The following BMPER variants were observed in gnomAD, a reference collection of about 807,000 sequenced individuals.
BMPER encodes BMP-binding endothelial regulator protein.
Under a neutral mutation model 87.3 loss-of-function variants are expected in BMPER, and 45 were observed. The observed-to-expected ratio is 0.52, with a 90% CI of 0.41 to 0.66. BMPER has a LOEUF of 0.66. Among genes scored for constraint, BMPER ranks in the 30% least tolerant of loss-of-function variants. BMPER has a pLI of 0.00. For synonymous variants in BMPER, 326 were observed against 316.2 expected, an observed-to-expected ratio of 1.03 and a Z score of -0.33; for missense variants, 784 against 867.5, an observed-to-expected ratio of 0.90 and a Z score of 1.21.
intron 13 of BMPER, among the ~76,000 whole-genome samples, chr7:34,092,665 T>A (rs1789419069): frequency 6.6e-6 from 1 of 152,194 alleles, no homozygotes; most frequent in Non-Finnish European, 1.5e-5. Context: ...GTAGGCTTTT[T>A]CCTGTTTGAT....
chr7:33,929,610 G>A (rs546279337), intron 2 of BMPER, among the ~76,000 whole-genome samples: 3 of 152,304 alleles, frequency 2.0e-5, no homozygotes, highest in Non-Finnish European at 2.9e-5. Context: ...TCTAAATGAA[G>A]CTATATAGCA....
chr7:33,909,719 G>A (rs937995044), intron 2 of BMPER, among the ~76,000 whole-genome samples: 12 of 148,828 alleles, frequency 8.1e-5, no homozygotes, highest in African/African-American at 3.0e-4. Flanking sequence ...TAACGTCAAC[G>A]TATGCTTAAA....
At chr7:33,943,637 A>G (rs1203756181) in intron 3 of BMPER, among the ~76,000 whole-genome samples, 2 of 152,198 alleles carry the variant, frequency 1.3e-5, no homozygotes, top group Non-Finnish European at 2.9e-5. Flanking sequence ...GGCTCCAAAA[A>G]AGACAAGGCT....
At chr7:34,141,895 G>T (rs1333491635) in intron 13 of BMPER, among the ~76,000 whole-genome samples, 1 of 152,112 alleles carries the variant, frequency 6.6e-6, no homozygotes, top group East Asian at 1.9e-4. Flanking sequence ...TTCCTGTTTA[G>T]AGCAGACAGT....
chr7:34,044,617 A>G (rs1331363583), intron 6 of BMPER, among the ~76,000 whole-genome samples: 3 of 152,140 alleles, frequency 2.0e-5, no homozygotes, highest in Non-Finnish European at 1.5e-5. Context: ...CTTTAATATT[A>G]TGCAGGGTTG....
At chr7:33,957,595 T>G (rs1346953850) in intron 3 of BMPER, among the ~76,000 whole-genome samples, 2 of 151,974 alleles carry the variant, frequency 1.3e-5, no homozygotes, top group African/African-American at 4.8e-5. Flanking sequence ...CAGACACAAA[T>G]AAGTGTATGT....
At chr7:33,995,165 T>C (rs557144494) in intron 6 of BMPER, among the ~76,000 whole-genome samples, 2 of 152,148 alleles carry the variant, frequency 1.3e-5, no homozygotes, top group African/African-American at 2.4e-5. Context: ...TCTTTACTTA[T>C]GATTGTGGCC....
At chr7:34,054,516 T>G (rs1251944533) in intron 8 of BMPER, among the ~76,000 whole-genome samples, 2 of 152,210 alleles carry the variant, frequency 1.3e-5, no homozygotes, top group African/African-American at 4.8e-5. Context: ...CACTTTTTTT[T>G]GAAATCAAAT....
At chr7:34,058,424 C>T (rs1402982476) in intron 10 of BMPER, among the ~76,000 whole-genome samples, 1 of 152,228 alleles carries the variant, frequency 6.6e-6, no homozygotes, top group Non-Finnish European at 1.5e-5. Flanking sequence ...TTCTCCAACT[C>T]CTGCAAGATC....
intron 7 of BMPER, among the ~76,000 whole-genome samples, chr7:34,047,782 T>TTTTC (rs1336770223): frequency 8.4e-3 from 16 of 1,914 alleles, no homozygotes; most frequent in South Asian, 0.061. Context: ...TTTCTCTTGA[T>TTTTC]TTTCTTTCCT....
At chr7:34,038,653 G>T (rs1252962237) in intron 6 of BMPER, among the ~76,000 whole-genome samples, 1 of 152,154 alleles carries the variant, frequency 6.6e-6, no homozygotes, top group Non-Finnish European at 1.5e-5. Flanking sequence ...TCAAGACAGG[G>T]CATTAGTTCA....
At chr7:34,087,107 G>T (rs547819842) in intron 13 of BMPER, among the ~76,000 whole-genome samples, 10 of 152,128 alleles carry the variant, frequency 6.6e-5, no homozygotes, top group Non-Finnish European at 1.2e-4. Flanking sequence ...GTTCTATAAA[G>T]GCGGCTCGAA....
intron 6 of BMPER, among the ~76,000 whole-genome samples, chr7:33,998,435 C>T (rs1786478811): frequency 2.0e-5 from 3 of 152,200 alleles, no homozygotes; most frequent in Admixed American, 6.5e-5. Context: ...TAAATTGTGA[C>T]TTGTTGGAAT....
rs147254922 is a variant in BMPER at position 34,120,559 on chromosome 7, C to T, written c.1746-22671C>T. Among the ~76,000 whole-genome samples, 49 of 152,170 alleles carry T rather than the reference C, an allele frequency of 3.2e-4. No individual in the cohort carries two copies. In the East Asian group the frequency reaches 7.2e-3, roughly 22 times the overall value. On this transcript the variant is annotated intron_variant, in intron 13 of 14. Transcript: ENST00000649409. ...AATTACAGGCGTGCACCATCACGCCCGGCTAATTTTGTGTTTTTCGTAGAG... is the reference window on the plus strand; with the variant it reads ...AATTACAGGCGTGCACCATCACGCCTGGCTAATTTTGTGTTTTTCGTAGAG...
chr7:34,022,723 A>G (rs1224074411), intron 6 of BMPER, among the ~76,000 whole-genome samples: 2 of 151,458 alleles, frequency 1.3e-5, no homozygotes, highest in Non-Finnish European at 2.9e-5. Flanking sequence ...AAAAAAAAAA[A>G]AGGAAGAGGA....
intron 6 of BMPER, among the ~76,000 whole-genome samples, chr7:34,003,736 C>T (rs10951405): frequency 0.16 from 23,680 of 151,934 alleles, 1,854 homozygotes; most frequent in Middle Eastern, 0.24. Context: ...ATTCTTTCAC[C>T]AGTTTGAATA....
chr7:34,041,327 G>T (rs1194113494), intron 6 of BMPER, among the ~76,000 whole-genome samples: 1 of 152,098 alleles, frequency 6.6e-6, no homozygotes, highest in Non-Finnish European at 1.5e-5. Context: ...GCACAACCCA[G>T]GCTTGTCACT....
chr7:33,936,875 G>T (rs1487697105), intron 2 of BMPER, among the ~76,000 whole-genome samples: 1 of 152,154 alleles, frequency 6.6e-6, no homozygotes, highest in Non-Finnish European at 1.5e-5. Flanking sequence ...ATTGTTGGAC[G>T]GCCATGTGAA....
Position 34,047,997 on chromosome 7 carries a change from T to C in BMPER, c.676+1592T>C, listed in dbSNP as rs527989921. 4.0e-5 allele frequency among the ~76,000 whole-genome samples: 6 copies of C among 151,822 alleles called. No homozygotes were observed. The South Asian group carries it at 1.2e-3, about 32-fold the overall frequency. ...CAAAATAAAATGGGATATTAAGCGC[T>C]CTCGTTCTTAAAAGGTCTTAGTTGT... On this transcript the variant is annotated intron_variant, in intron 7 of 14. Transcript: ENST00000649409.
Sources: gnomAD v4.1 joint callset for allele counts (sites outside exome capture counted in the v4.1 genomes callset) on GRCh38, gnomAD v4.1.1 for gene constraint, MANE v1.5 for transcripts, NCBI Gene and HGNC (gene_info 2026-07-23, HGNC 2026-07-21) for gene names.